Variants in FBN1 observed in about 807,000 individuals in gnomAD.
FBN1 encodes fibrillin-1.
A neutral mutation model predicts 365.1 loss-of-function variants in FBN1; 29 were observed. That is an observed-to-expected ratio of 0.08 (90% CI 0.06 to 0.11). The LOEUF is 0.11. Among genes scored for constraint, FBN1 ranks in the 10% least tolerant of loss-of-function variants. The pLI, the probability that FBN1 is intolerant of heterozygous loss-of-function variation, is 1.00. For synonymous variants in FBN1, 1,210 were observed against 1,270.5 expected (o/e 0.95, Z 1.01); for missense variants, 2,476 against 3,703.2 (o/e 0.67, Z 8.60).
At position 48,463,181 on chromosome 15, in the gene FBN1, C is replaced by G; in HGVS notation, c.5125G>C (p.Glu1709Gln). The G allele has an allele frequency of 6.2e-7, 1 of 1,614,072 alleles. No individual in the cohort carries two copies. Among genetic ancestry groups the G allele is most frequent in the Non-Finnish European group, 8.5e-7 (1 of 1,179,942 alleles). The change falls in exon 42 of 66, where the codon GAA (glutamate) becomes CAA (glutamine). Residue 1709 changes from glutamate (E) to glutamine (Q), a missense_variant. By Grantham distance (29) the Glu-to-Gln change is conservative (BLOSUM62 2). Around this residue, in one of 5 missense-constraint regions of FBN1, gnomAD observed 1,780 missense variants for 2,840.8 expected, o/e 0.63. Coordinates refer to ENST00000316623, the MANE Select transcript of FBN1 (RefSeq NM_000138.5). Reference sequence around the variant, plus strand: ...TTCTTGGTCATGTTGAATAACAATTCTCCATCACAGGTCTGGTTGTCAGCA... The same window carrying G: ...TTCTTGGTCATGTTGAATAACAATTGTCCATCACAGGTCTGGTTGTCAGCA... ...YYADNQTCDGELLFNMTKKMC... is the reference protein window; with the variant it reads ...YYADNQTCDGQLLFNMTKKMC...
chr15:48,427,866 G>T (rs530991469), intron 57 of FBN1, 93 bp from the exon 58 acceptor site: 15 of 1,093,740 alleles, frequency 1.4e-5, no homozygotes, highest in Non-Finnish European at 2.1e-5. Flanking sequence ...AACCAAAAAA[G>T]GATGTAACAC....
intron 8 of FBN1, among the ~76,000 whole-genome samples, chr15:48,533,731 T>C (rs1397692439): frequency 6.6e-6 from 1 of 152,196 alleles, no homozygotes; most frequent in Non-Finnish European, 1.5e-5. Context: ...TTATTCTGAA[T>C]GATATCTAAT....
chr15:48,411,091 T>G lies in FBN1; in HGVS notation c.8515A>C (p.Lys2839Gln), dbSNP rs749186061. The change falls in exon 66 of 66, where the codon AAG becomes CAG. Residue 2839 changes from lysine to glutamine, a missense_variant. Physicochemically the swap from Lys to Gln is moderately conservative, Grantham distance 53. Around this residue, in one of 5 missense-constraint regions of FBN1, gnomAD observed 177 missense variants for 192.7 expected, o/e 0.92. Transcript: ENST00000316623. ...TCTTCTAGTTGGTTAAGTTCTTTCT[T>G]TTTATAAAGTGGAGTACTACTGATT... ...LQISSTPLYK[K>Q]KELNQLEDKY... The G allele has an allele frequency of 6.2e-7, 1 of 1,614,080 alleles. No homozygotes were observed. The highest frequency in any genetic ancestry group is 8.5e-7 in the Non-Finnish European group (1 of 1,180,008).
chr15:48,533,090 A>C (rs2043986665), intron 8 of FBN1, among the ~76,000 whole-genome samples: 1 of 152,244 alleles, frequency 6.6e-6, no homozygotes, highest in Non-Finnish European at 1.5e-5. Context: ...TCTGATATAC[A>C]GTGGCAACTG....
At chr15:48,528,598 G>A (rs1386956917) in intron 8 of FBN1, among the ~76,000 whole-genome samples, 1 of 152,158 alleles carries the variant, frequency 6.6e-6, no homozygotes, top group Non-Finnish European at 1.5e-5. Flanking sequence ...GTCTCCAACT[G>A]GCAGGGGTTT....
chr15:48,531,326 G>A (rs2043971294), intron 8 of FBN1, among the ~76,000 whole-genome samples: 1 of 152,058 alleles, frequency 6.6e-6, no homozygotes, highest in Non-Finnish European at 1.5e-5. Flanking sequence ...TTCTGCAAGA[G>A]GAAGATCTCA....
rs1231982994 is a variant in FBN1 at position 48,497,153 on chromosome 15, A to C, written c.2293+113T>G. 1.2e-5 allele frequency: 15 copies of C among 1,211,026 alleles called. No homozygotes were observed. In the Admixed American group the frequency reaches 2.4e-4, roughly 19 times the overall value. 75.0% of individuals were successfully genotyped at this position (1,211,026 alleles called of 1,614,324 possible). A position where few individuals can be genotyped will look rare whatever the true frequency, so the allele number is the denominator to read the frequency against. Reference sequence around the variant, plus strand: ...TATGCTGTGCTAACATCCGAAGTATAAAGTGTCCATTTGCCCAGTCCTCTA... The same window carrying C: ...TATGCTGTGCTAACATCCGAAGTATCAAGTGTCCATTTGCCCAGTCCTCTA... On this transcript the variant is annotated intron_variant, in intron 19 of 65. Coordinates refer to ENST00000316623, the MANE Select transcript of FBN1 (RefSeq NM_000138.5).
chr15:48,552,353 T>A (rs2044149754), intron 6 of FBN1, among the ~76,000 whole-genome samples: 1 of 151,560 alleles, frequency 6.6e-6, no homozygotes, highest in East Asian at 2.0e-4. Context: ...GCTCACTATA[T>A]CCTCAACCTC....
chr15:48,618,717 G>A (rs1490374651), intron 2 of FBN1, among the ~76,000 whole-genome samples: 1 of 152,202 alleles, frequency 6.6e-6, no homozygotes, highest in Non-Finnish European at 1.5e-5. Context: ...AGGCAAGCAA[G>A]TGAAGCTTCC....
Position 48,516,169 on chromosome 15 carries a change from T to C in FBN1, c.1327+14A>G. The stretch of plus-strand genomic sequence containing the variant: ...AATGCAAGAAAAATAACTAGATGAT[T>C]TTTGAATTCTTACTTGGTGGCTCCC... On this transcript the variant is annotated intron_variant, in intron 11 of 65. Transcript: ENST00000316623. The C allele has an allele frequency of 6.2e-7, 1 of 1,612,062 alleles. No homozygotes were observed. Among genetic ancestry groups the C allele is most frequent in the Non-Finnish European group, 8.5e-7 (1 of 1,178,392 alleles).
intron 25 of FBN1, 148 bp from the exon 26 acceptor site, chr15:48,488,641 T>C (rs1274320490): frequency 2.0e-5 from 17 of 865,784 alleles, no homozygotes; most frequent in Non-Finnish European, 2.5e-5. Flanking sequence ...TGATGATCCA[T>C]GAGATATATG....
chr15:48,577,012 C>G (rs1464338589), intron 6 of FBN1, among the ~76,000 whole-genome samples: 3 of 152,104 alleles, frequency 2.0e-5, no homozygotes, highest in Non-Finnish European at 4.4e-5. Context: ...ATTAGCATCC[C>G]TTCCAATAGC....
intron 16 of FBN1, 100 bp from the exon 17 acceptor site, chr15:48,504,039 G>T: frequency 1.4e-6 from 2 of 1,401,598 alleles, no homozygotes; most frequent in Non-Finnish European, 2.0e-6. Context: ...ATCATCCCTG[G>T]TGTAACTCAC....
At chr15:48,454,460 A>AAAC (rs1173798662) in intron 44 of FBN1, among the ~76,000 whole-genome samples, 1 of 146,962 alleles carries the variant, frequency 6.8e-6, no homozygotes, top group Non-Finnish European at 1.5e-5. Context: ...CAACAACAAC[A>AAAC]AACAACAACA....
chr15:48,496,748 T>C (rs1040000070), intron 19 of FBN1, among the ~76,000 whole-genome samples: 2 of 152,178 alleles, frequency 1.3e-5, no homozygotes, highest in South Asian at 2.1e-4. Context: ...ATGATTGTCA[T>C]GGGGAATTTA....
intron 63 of FBN1, among the ~76,000 whole-genome samples, chr15:48,418,081 C>T (rs572269171): frequency 6.6e-6 from 1 of 152,292 alleles, no homozygotes; most frequent in East Asian, 1.9e-4. Flanking sequence ...AGAAGTAGGA[C>T]CAATGGTGAG....
intron 60 of FBN1, among the ~76,000 whole-genome samples, chr15:48,424,858 G>A (rs981929457): frequency 9.9e-5 from 15 of 152,168 alleles, no homozygotes; most frequent in Non-Finnish European, 1.9e-4. Context: ...TTAATTCTGT[G>A]TGATATTTAT....
In FBN1 at chr15:48,437,894, C is replaced by T. The variant is rs1316593215; in HGVS notation, c.6187G>A (p.Ala2063Thr). The T allele has an allele frequency of 5.0e-6, 8 of 1,613,716 alleles. No homozygotes were observed. Among genetic ancestry groups the T allele is most frequent in the Non-Finnish European group, 6.8e-6 (8 of 1,179,826 alleles). Residue 2063 changes from alanine to threonine, a missense_variant, in exon 51 of 66, where the codon GCG becomes ACG. Transcript: ENST00000316623. ...GAACACTTTCCTCCTTCAAACTTCG[C>T]ATAACAGTAGCTCATTCGCAAATCT... ...CQDLRMSYCY[A>T]KFEGGKCSSP...
In FBN1 at chr15:48,456,468, A is replaced by AT. The variant is rs201118654; in HGVS notation, c.5422+168dup. 0.046 allele frequency among the ~76,000 whole-genome samples: 6,712 copies of AT among 146,718 alleles called. 427 individuals are homozygous for AT. The highest frequency in any genetic ancestry group is 0.33 in the East Asian group (1,671 of 5,056). On this transcript the variant is annotated intron_variant, in intron 44 of 65. Transcript: ENST00000316623. ...CTGGTTTTTCCACTGAAGTTAGTGA[A>AT]TTTTTTTTTTTTGCATGAAATTTCA... is the stretch of plus-strand genomic sequence containing the variant.
Sources: gnomAD v4.1 joint callset for allele counts (sites outside exome capture counted in the v4.1 genomes callset) on GRCh38, gnomAD v4.1.1 for gene constraint, gnomAD v4.1.1 regional missense constraint, MANE v1.5 for transcripts, NCBI Gene and HGNC (gene_info 2026-07-23, HGNC 2026-07-21) for gene names.